The following TTC7B variants were observed in gnomAD, a reference collection of about 807,000 sequenced individuals.
TTC7B encodes the protein tetratricopeptide repeat protein 7B.
A neutral mutation model predicts 106.8 loss-of-function variants in TTC7B; 28 were observed. The ratio of observed to expected loss-of-function variants is 0.26; its 90% CI spans 0.19 to 0.36. The LOEUF (loss-of-function observed/expected upper bound fraction) is 0.36. Ranked by LOEUF, TTC7B falls within the 10% of genes least tolerant of loss-of-function variation. The pLI is 1.00. For synonymous variants in TTC7B, 405 were observed against 430.6 expected (o/e 0.94, Z 0.74); for missense variants, 862 against 1,076.4 (o/e 0.80, Z 2.79).
intron 19 of TTC7B, among the ~76,000 whole-genome samples, chr14:90,555,416 G>GTGTTTGA (rs1890262203): frequency 6.6e-6 from 1 of 152,216 alleles, no homozygotes; most frequent in Non-Finnish European, 1.5e-5. Flanking sequence ...GAAGGGGGGG[G>GTGTTTGA]TGTTTGATGG....
At position 90,816,182 on chromosome 14, in the gene TTC7B, G is replaced by A. The variant is rs1461922902; in HGVS notation, c.114C>T (p.Ile38=). 4.0e-6 allele frequency: 5 copies of A among 1,248,770 alleles called. No individual in the cohort carries two copies. Among genetic ancestry groups the A allele is most frequent in the South Asian group, 1.3e-5 (1 of 75,656 alleles). 77.4% of individuals were successfully genotyped at this position (1,248,770 alleles called of 1,614,324 possible). A position where few individuals can be genotyped will look rare whatever the true frequency, so the allele number is the denominator to read the frequency against. Residue 38 remains isoleucine, a synonymous_variant, in exon 1 of 20, where the codon ATC becomes ATT. Transcript: ENST00000328459. The part of the protein sequence containing the change: ...ELVKQLSAKL[I]ANDDMAELLL... The stretch of plus-strand genomic sequence containing the variant: ...GGCGCGCCCGGAGCGTACCGTTGGC[G>A]ATGAGCTTGGCCGACAGCTGCTTGA...
intron 9 of TTC7B, chr14:90,675,978 G>C (rs1225537563): frequency 6.6e-6 from 1 of 152,230 alleles, no homozygotes; most frequent in Non-Finnish European, 1.5e-5. Flanking sequence ...TCCATCCTAA[G>C]CGTTTCTTAG....
chr14:90,545,641 G>C (rs1001482383), intron 19 of TTC7B, among the ~76,000 whole-genome samples: 2 of 152,204 alleles, frequency 1.3e-5, no homozygotes, highest in Non-Finnish European at 2.9e-5. Context: ...CTCTGGTCTC[G>C]GCACCCTGCT....
chr14:90,761,314 T>G (rs1435289140), intron 3 of TTC7B, among the ~76,000 whole-genome samples: 1 of 152,246 alleles, frequency 6.6e-6, no homozygotes, highest in East Asian at 1.9e-4. Context: ...CTGTAGAACC[T>G]AAGATTGGCC....
chr14:90,553,049 C>T (rs1229505837), intron 19 of TTC7B, among the ~76,000 whole-genome samples: 3 of 152,182 alleles, frequency 2.0e-5, no homozygotes, highest in Admixed American at 6.5e-5. Flanking sequence ...GTGGTCTAGG[C>T]GCAGGCCAGA....
At chr14:90,652,709 G>T in intron 13 of TTC7B, 132 bp downstream of exon 13, 3 of 926,404 alleles carry the variant, frequency 3.2e-6, no homozygotes, top group African/African-American at 1.6e-5. Context: ...CTGTGTGTTC[G>T]GTGCTCAGGA....
In TTC7B at chr14:90,807,086, C is replaced by T. The variant is rs554013648; in HGVS notation, c.121+9089G>A. ...TACCTCTATCTACCTGAAAGACTAC[C>T]GTTCCACTTGCCCAGGACTGAGGGA... On this transcript the variant is annotated intron_variant, in intron 1 of 19. Coordinates refer to ENST00000328459, the MANE Select transcript of TTC7B (RefSeq NM_001010854.2). The surrounding 1 kb of genome is among the most constrained non-coding windows in gnomAD (Gnocchi z 4.1). Among the ~76,000 whole-genome samples the T allele has an allele frequency of 9.2e-5, 14 of 152,218 alleles. 1 individual carries two copies. In the South Asian group the frequency reaches 2.3e-3, roughly 25 times the overall value.
rs1469192365 is a variant in TTC7B at position 90,655,006 on chromosome 14, C to A, written c.1446G>T (p.Leu482=). Reference sequence around the variant, plus strand: ...GACGTCTCTCACCGTCAGTGGCCTGCAGACTGTACGTGAGCCCCAGAGCTA... The same window carrying A: ...GACGTCTCTCACCGTCAGTGGCCTGAAGACTGTACGTGAGCCCCAGAGCTA... ...GYLALGLTYS[L]QATDASLRGM... Residue 482 remains leucine (L), a synonymous_variant, in exon 12 of 20, where the codon CTG becomes CTT. Coordinates refer to ENST00000328459, the MANE Select transcript of TTC7B (RefSeq NM_001010854.2). 2 of 1,613,690 alleles carry A rather than the reference C, an allele frequency of 1.2e-6. No individual in the cohort carries two copies. Among genetic ancestry groups the A allele is most frequent in the South Asian group, 2.2e-5 (2 of 91,082 alleles).
At chr14:90,659,376 T>C (rs1224195498) in intron 9 of TTC7B, among the ~76,000 whole-genome samples, 2 of 151,940 alleles carry the variant, frequency 1.3e-5, no homozygotes, top group African/African-American at 4.8e-5. Flanking sequence ...GTTCAAGGCA[T>C]CATGAGGTAA....
chr14:90,657,198 CT>C lies in TTC7B; in HGVS notation c.1316del (p.Lys439SerfsTer36). 1 of 1,614,132 alleles carries C rather than the reference CT, an allele frequency of 6.2e-7. No individual in the cohort carries two copies. Among genetic ancestry groups the C allele is most frequent in the Non-Finnish European group, 8.5e-7 (1 of 1,180,032 alleles). ...DDATIPLLAA[K>X]LCMGSLHWLE... ...CCCAGTGCAGGGAGCCCATGCAGAG[CT>C]TGGCAGCGAGGAGAGGGATGGTGGC... On this transcript the variant is annotated frameshift_variant, in exon 11 of 20. Transcript: ENST00000328459. LOFTEE classifies it high-confidence loss of function. The surrounding 1 kb of genome is among the most constrained non-coding windows in gnomAD (Gnocchi z 4.2).
intron 4 of TTC7B, among the ~76,000 whole-genome samples, chr14:90,740,406 CGTT>C (rs1199893885): frequency 6.6e-6 from 1 of 151,462 alleles, no homozygotes; most frequent in African/African-American, 2.4e-5. Flanking sequence ...CCAGGCAAAA[CGTT>C]GTTCCACTGG....
chr14:90,691,949 AATTAAAGT>A (rs1384994827), intron 6 of TTC7B, among the ~76,000 whole-genome samples: 3 of 152,190 alleles, frequency 2.0e-5, no homozygotes, highest in African/African-American at 7.2e-5. Context: ...ATTTTATATA[AATTAAAGT>A]ATGCGATATG....
At chr14:90,683,678 C>G (rs1262184478) in intron 7 of TTC7B, among the ~76,000 whole-genome samples, 1 of 152,062 alleles carries the variant, frequency 6.6e-6, no homozygotes, top group Non-Finnish European at 1.5e-5. Context: ...CAGTGCAGGT[C>G]CACTGGGCTA....
chr14:90,655,906 A>G (rs952173452), intron 11 of TTC7B, among the ~76,000 whole-genome samples: 1 of 152,166 alleles, frequency 6.6e-6, no homozygotes, highest in Non-Finnish European at 1.5e-5. Flanking sequence ...TTCAAGATGT[A>G]TATGTTACAG....
chr14:90,541,698 C>CG (rs1285291347), intron 19 of TTC7B, 109 bp from the exon 20 acceptor site: 6 of 813,750 alleles, frequency 7.4e-6, no homozygotes, highest in East Asian at 5.9e-5. Context: ...GGGAATATAT[C>CG]GCCATTGGGC....
At chr14:90,717,338 CAAA>C (rs560270175) in intron 5 of TTC7B, among the ~76,000 whole-genome samples, 5 of 83,036 alleles carry the variant, frequency 6.0e-5, no homozygotes, top group East Asian at 3.3e-4. Context: ...GACTCCATCT[CAAA>C]AAAAAAAAAA....
chr14:90,573,301 C>T (rs766864767), intron 19 of TTC7B, among the ~76,000 whole-genome samples: 2 of 152,180 alleles, frequency 1.3e-5, no homozygotes, highest in Non-Finnish European at 2.9e-5. Context: ...GGTGGGGGCT[C>T]CATCTCACTG....
intron 1 of TTC7B, among the ~76,000 whole-genome samples, chr14:90,799,160 G>A (rs550483587): frequency 1.1e-4 from 17 of 152,172 alleles, no homozygotes; most frequent in East Asian, 3.9e-4. Flanking sequence ...CCAAGGCCAC[G>A]GCCATCTGAC....
At chr14:90,786,422 G>A in intron 1 of TTC7B, 94 bp from the exon 2 acceptor site, 1 of 1,490,212 alleles carries the variant, frequency 6.7e-7, no homozygotes, top group Non-Finnish European at 9.1e-7. Context: ...CACCCTCCGA[G>A]GCTCCAGGCC....
Sources: gnomAD v4.1 joint callset for allele counts (sites outside exome capture counted in the v4.1 genomes callset) on GRCh38, gnomAD v4.1.1 for gene constraint, Gnocchi (gnomAD v3.1) non-coding constraint, MANE v1.5 for transcripts, NCBI Gene and HGNC (gene_info 2026-07-23, HGNC 2026-07-21) for gene names.